RERE: variants seen among roughly 807,000 people sequenced by gnomAD.
RERE encodes the protein arginine-glutamic acid dipeptide repeats protein.
A neutral mutation model predicts 146.1 loss-of-function variants in RERE; 40 were observed. The observed-to-expected ratio is 0.27, with a 90% CI of 0.21 to 0.36. The LOEUF is 0.36. Among genes scored for constraint, RERE ranks in the 10% least tolerant of loss-of-function variants. The pLI is 1.00. For missense variants in RERE, 1,933 were observed against 2,138.7 expected (o/e 0.90, Z 1.90); for synonymous variants, 1,003 against 866.0 (o/e 1.16, Z -2.78).
intron 1 of RERE, among the ~76,000 whole-genome samples, chr1:8,698,224 C>A (rs1037964626): frequency 2.0e-5 from 3 of 152,188 alleles, no homozygotes; most frequent in Non-Finnish European, 4.4e-5. Flanking sequence ...TTATCTGCTT[C>A]TGTATGTAAA....
intron 3 of RERE, among the ~76,000 whole-genome samples, chr1:8,619,789 G>A (rs1953827): frequency 0.62 from 94,126 of 152,018 alleles, 29,546 homozygotes; most frequent in East Asian, 0.83. Context: ...ATTGTTTTTC[G>A]TAAACAAACA....
intron 1 of RERE, among the ~76,000 whole-genome samples, chr1:8,668,647 A>G (rs560211040): frequency 6.6e-6 from 1 of 152,368 alleles, no homozygotes; most frequent in South Asian, 2.1e-4. Context: ...AGGTACAGAT[A>G]TATGTTACAA....
chr1:8,448,518 G>A (rs1644351296), intron 11 of RERE, among the ~76,000 whole-genome samples: 1 of 152,192 alleles, frequency 6.6e-6, no homozygotes, highest in African/African-American at 2.4e-5. Context: ...CAGTACTTTG[G>A]GAGGCCGAGG....
chr1:8,758,895 G>C (rs149101013), intron 1 of RERE, among the ~76,000 whole-genome samples: 1 of 151,618 alleles, frequency 6.6e-6, no homozygotes, highest in Non-Finnish European at 1.5e-5. Context: ...ACTCATTTTA[G>C]CCATTCCACA....
chr1:8,389,488 G>A (rs979052381), intron 12 of RERE, among the ~76,000 whole-genome samples: 3 of 152,124 alleles, frequency 2.0e-5, no homozygotes, highest in Non-Finnish European at 2.9e-5. Context: ...CCCTACTTTA[G>A]GGAATCCCAG....
At position 8,701,322 on chromosome 1, in the gene RERE, ACGCACACACTCC is replaced by A. The variant is rs1453306546; in HGVS notation, c.-144-44893_-144-44882del. On this transcript the variant is annotated intron_variant, in intron 1 of 22. Coordinates refer to ENST00000400908, the MANE Select transcript of RERE (RefSeq NM_001042681.2). ...CACACACACACACACACACACACAC[ACGCACACACTCC>A]CTCCCTCCCTCTCTCAGGCATTTCA... Among the ~76,000 whole-genome samples, 13 of 25,180 alleles carry A rather than the reference ACGCACACACTCC, an allele frequency of 5.2e-4. No individual in the cohort carries two copies. The East Asian group carries it at 6.3e-3, about 12-fold the overall frequency. 16.5% of individuals were successfully genotyped at this position (25,180 alleles called of 152,430 possible). A position where few individuals can be genotyped will look rare whatever the true frequency, so the allele number is the denominator to read the frequency against.
At chr1:8,724,882 AAAAAAAAAC>A (rs1262620908) in intron 1 of RERE, among the ~76,000 whole-genome samples, 9 of 150,948 alleles carry the variant, frequency 6.0e-5, no homozygotes, top group African/African-American at 2.0e-4. Flanking sequence ...TTGTAAAAAA[AAAAAAAAAC>A]AACTCAACCT....
chr1:8,646,163 AG>A (rs2124301914), intron 2 of RERE, among the ~76,000 whole-genome samples: 1 of 151,770 alleles, frequency 6.6e-6, no homozygotes, highest in Non-Finnish European at 1.5e-5. Context: ...TGCCTGTTAC[AG>A]GATGAGTTTG....
At chr1:8,699,905 T>C (rs2124436578) in intron 1 of RERE, among the ~76,000 whole-genome samples, 1 of 152,264 alleles carries the variant, frequency 6.6e-6, no homozygotes. Context: ...CCATCTTCTA[T>C]CAGCAAACTG....
chr1:8,487,715 A>G lies in RERE; in HGVS notation c.1104+7348T>C, dbSNP rs540143716. On this transcript the variant is annotated intron_variant, in intron 10 of 22. Transcript: ENST00000400908. ...TCAAGGAAGTGCAATAAAGCACAAAAAAGAAATAAAACACATAGATCATAA... is the reference window on the plus strand; with the variant it reads ...TCAAGGAAGTGCAATAAAGCACAAAGAAGAAATAAAACACATAGATCATAA... Among the ~76,000 whole-genome samples the G allele has an allele frequency of 4.6e-5, 7 of 152,334 alleles. No individual in the cohort carries two copies. The South Asian group carries it at 1.4e-3, about 32-fold the overall frequency.
chr1:8,708,905 GTTTT>G lies in RERE; in HGVS notation c.-144-52468_-144-52465del, dbSNP rs35403792. Among the ~76,000 whole-genome samples, 9 of 72,306 alleles carry G rather than the reference GTTTT, an allele frequency of 1.2e-4. No individual in the cohort carries two copies. The South Asian group carries it at 1.6e-3, about 13-fold the overall frequency. 47.4% of individuals were successfully genotyped at this position (72,306 alleles called of 152,430 possible). ...GTCACTAGACAACAAAAACTCTGGA[GTTTT>G]TTTTTTTTTTTTTTTTTTTTTGAGA... On this transcript the variant is annotated intron_variant, in intron 1 of 22. Transcript: ENST00000400908.
At chr1:8,419,352 CAATAAACACCAG>C in intron 12 of RERE, among the ~76,000 whole-genome samples, 1 of 152,260 alleles carries the variant, frequency 6.6e-6, no homozygotes, top group East Asian at 1.9e-4. Flanking sequence ...AGCTCTTGTG[CAATAAACACCAG>C]AAACCAAAAG....
chr1:8,497,471 T>C lies in RERE; in HGVS notation c.938A>G (p.His313Arg), dbSNP rs1161271998. The C allele has an allele frequency of 1.9e-6, 3 of 1,614,028 alleles. No individual in the cohort carries two copies. In the Admixed American group the frequency reaches 5.0e-5, roughly 27 times the overall value. Residue 313 changes from histidine to arginine, a missense_variant, in exon 9 of 23, where the codon CAT (histidine) becomes CGT (arginine). Around this residue, in one of 11 missense-constraint regions of RERE, gnomAD observed 260 missense variants for 378.4 expected, o/e 0.69. Coordinates refer to ENST00000400908, the MANE Select transcript of RERE (RefSeq NM_001042681.2). ...TCCAGGCATCCAGACCAGTTCCTCA[T>C]GTTGGGTCACTGTATCACCATCTGG... ...PSPDGDTVTQ[H>R]EELVWMPGVN...
intron 11 of RERE, among the ~76,000 whole-genome samples, chr1:8,441,383 C>G (rs894415698): frequency 1.3e-5 from 2 of 152,216 alleles, no homozygotes; most frequent in South Asian, 2.1e-4. Flanking sequence ...CCACTGCCCC[C>G]CTCTCACTTC....
rs1350822573 is a variant in RERE, at chr1:8,556,575, T to C, written c.629-4A>G. ...ATGACAAGTTCTCTTCCAGAGTCTG[T>C]CAAAAAATTAATTAAGACGACATTA... On this transcript the variant is annotated splice_region_variant and splice_polypyrimidine_tract_variant and intron_variant, in intron 5 of 22. Coordinates refer to ENST00000400908, the MANE Select transcript of RERE (RefSeq NM_001042681.2). 6.4e-7 allele frequency: 1 copy of C among 1,565,288 alleles called. No homozygotes were observed.
At chr1:8,637,270 T>C (rs1011811869) in intron 2 of RERE, among the ~76,000 whole-genome samples, 2 of 152,138 alleles carry the variant, frequency 1.3e-5, no homozygotes, top group African/African-American at 4.8e-5. Context: ...ACGACTCTAC[T>C]ATAAGGTTGC....
chr1:8,652,776 C>T (rs1475265432), intron 2 of RERE, among the ~76,000 whole-genome samples: 2 of 152,168 alleles, frequency 1.3e-5, no homozygotes, highest in Non-Finnish European at 2.9e-5. Flanking sequence ...GACCTTGACA[C>T]GTGGGGATTA....
intron 10 of RERE, among the ~76,000 whole-genome samples, chr1:8,492,329 A>G (rs1198608451): frequency 1.3e-5 from 2 of 152,246 alleles, no homozygotes; most frequent in Non-Finnish European, 2.9e-5. Flanking sequence ...TTGGAATAAA[A>G]AGGGGAATAA....
intron 10 of RERE, among the ~76,000 whole-genome samples, chr1:8,489,305 A>C (rs1475897065): frequency 6.6e-6 from 1 of 151,852 alleles, no homozygotes; most frequent in Non-Finnish European, 1.5e-5. Flanking sequence ...GGTTACAGTG[A>C]GCTATAATCA....
Sources: gnomAD v4.1 joint callset for allele counts (sites outside exome capture counted in the v4.1 genomes callset) on GRCh38, gnomAD v4.1.1 for gene constraint, gnomAD v4.1.1 regional missense constraint, MANE v1.5 for transcripts, NCBI Gene and HGNC (gene_info 2026-07-23, HGNC 2026-07-21) for gene names.